Variants in MDH1B observed in about 807,000 individuals in gnomAD.
MDH1B encodes the protein malate dehydrogenase 1B, also known as putative malate dehydrogenase 1B.
Under a neutral mutation model 61.4 loss-of-function variants are expected in MDH1B, and 60 were observed. The ratio of observed to expected loss-of-function variants is 0.98; its 90% confidence interval spans 0.79 to 1.21. The LOEUF (loss-of-function observed/expected upper bound fraction) is 1.21, where lower values mean the gene tolerates loss of function less well. Ranked by LOEUF, MDH1B falls within the 50% of genes most tolerant of loss-of-function variation. The pLI, the probability that MDH1B is intolerant of heterozygous loss-of-function variation, is 0.00. For missense variants in MDH1B, 587 were observed against 632.1 expected (o/e 0.93, Z 0.76); for synonymous variants, 236 against 218.7 (o/e 1.08, Z -0.70).
At chr2:206,744,979 G>A (rs917543766) in intron 9 of MDH1B, among the ~76,000 whole-genome samples, 3 of 151,250 alleles carry the variant, frequency 2.0e-5, no homozygotes, top group Non-Finnish European at 4.4e-5. Context: ...AAGTCCTAAC[G>A]CCTGGTACCT....
In MDH1B at chr2:206,746,280, A is replaced by C; in HGVS notation, c.1356+7T>G. ...GGTCAGTCCCCTTGCATCTATTCTGACATTACCTGAATTAGATCACTTGTC... is the reference window on the plus strand; with the variant it reads ...GGTCAGTCCCCTTGCATCTATTCTGCCATTACCTGAATTAGATCACTTGTC... On this transcript the variant is annotated splice_region_variant and intron_variant, in intron 8 of 11. Transcript: ENST00000374412. 1.2e-6 allele frequency: 2 copies of C among 1,611,336 alleles called. No homozygotes were observed. The highest frequency in any genetic ancestry group is 1.7e-6 in the Non-Finnish European group (2 of 1,178,658).
At chr2:206,750,143 A>G (rs1167403761) in intron 6 of MDH1B, among the ~76,000 whole-genome samples, 1 of 151,978 alleles carries the variant, frequency 6.6e-6, no homozygotes, top group Non-Finnish European at 1.5e-5. Context: ...AGGGCAATGG[A>G]AAGAAAATCC....
At chr2:206,752,012 G>T (rs6737715) in intron 5 of MDH1B, among the ~76,000 whole-genome samples, 17,913 of 152,126 alleles carry the variant, frequency 0.12, 1,481 homozygotes, top group African/African-American at 0.24. Context: ...TTAACTAGAA[G>T]GACTACTTTT....
At chr2:206,738,814 G>A (rs1311233111) in intron 11 of MDH1B, among the ~76,000 whole-genome samples, 2 of 82,038 alleles carry the variant, frequency 2.4e-5, no homozygotes, top group Admixed American at 1.5e-4. Flanking sequence ...ATTTCTGCTC[G>A]ACTTTGCTGC....
intron 10 of MDH1B, among the ~76,000 whole-genome samples, chr2:206,740,604 T>G (rs1222028250): frequency 6.6e-6 from 1 of 152,186 alleles, no homozygotes; most frequent in Non-Finnish European, 1.5e-5. Flanking sequence ...ATAAATTATA[T>G]ATATGATGAG....
At chr2:206,757,671 G>A (rs1688841580) in intron 2 of MDH1B, among the ~76,000 whole-genome samples, 1 of 152,112 alleles carries the variant, frequency 6.6e-6, no homozygotes. Context: ...GAGGTCACAT[G>A]TTCCAACTCA....
intron 5 of MDH1B, among the ~76,000 whole-genome samples, chr2:206,754,694 A>T (rs1282297672): frequency 1.3e-5 from 2 of 152,188 alleles, no homozygotes; most frequent in East Asian, 3.8e-4. Context: ...TTTTTTTAAA[A>T]CACTGGTTAT....
rs1688060004 is a variant in MDH1B, at chr2:206,745,631, A to G, written c.1399T>C (p.Tyr467His). 6.2e-7 allele frequency: 1 copy of G among 1,610,984 alleles called. No homozygotes were observed. Among genetic ancestry groups the G allele is most frequent in the Non-Finnish European group, 8.5e-7 (1 of 1,178,108 alleles). Residue 467 changes from tyrosine to histidine, a missense_variant, in exon 9 of 12, where the codon TAC becomes CAC. Tyr to His is a moderately conservative substitution (Grantham distance 83). Transcript: ENST00000374412. Reference sequence around the variant, plus strand: ...ACGTCTAAGAGCTTACCTGATTGGTATGGCTGAAAATGTATCTTGTCTCCA... The same window carrying G: ...ACGTCTAAGAGCTTACCTGATTGGTGTGGCTGAAAATGTATCTTGTCTCCA... The part of the protein sequence containing the change: ...ALGDKIHFQP[Y>H]QSGHKDLVPD...
At position 206,746,428 on chromosome 2, in the gene MDH1B, T is replaced by G. The variant is rs1167169547; in HGVS notation, c.1217-2A>C. 6.2e-7 allele frequency: 1 copy of G among 1,608,490 alleles called. No individual in the cohort carries two copies. Among genetic ancestry groups the G allele is most frequent in the African/African-American group, 1.3e-5 (1 of 74,660 alleles). On this transcript the variant is annotated splice_acceptor_variant, in intron 7 of 11. Transcript: ENST00000374412. LOFTEE classifies it high-confidence loss of function. Reference sequence around the variant, plus strand: ...TCCCTTTCGGAATACCAAACTGGCCTGCAGTGAGCAAACACAAAGCAAAGC... The same window carrying G: ...TCCCTTTCGGAATACCAAACTGGCCGGCAGTGAGCAAACACAAAGCAAAGC...
chr2:206,739,626 A>C lies in MDH1B; in HGVS notation c.1495T>G (p.Phe499Val), dbSNP rs1183989473. Reference sequence around the variant, plus strand: ...AACTCAAGACTCTGTGGCTTTTCAAAGGTGGTTTGAGGAATCTGATTTGGA... The same window carrying C: ...AACTCAAGACTCTGTGGCTTTTCAACGGTGGTTTGAGGAATCTGATTTGGA... ...EFPNQIPQTT[F>V]EKPQSLEFLN... Residue 499 changes from phenylalanine to valine, a missense_variant, in exon 11 of 12, where the codon TTT becomes GTT. Physicochemically the swap from Phe to Val is conservative, Grantham distance 50. Transcript: ENST00000374412. 1.2e-6 allele frequency: 2 copies of C among 1,614,030 alleles called. No homozygotes were observed. Among genetic ancestry groups the C allele is most frequent in the South Asian group, 2.2e-5 (2 of 91,084 alleles).
intron 4 of MDH1B, among the ~76,000 whole-genome samples, chr2:206,755,915 CTTTT>C (rs34981283): frequency 7.1e-6 from 1 of 140,760 alleles, no homozygotes; most frequent in Non-Finnish European, 1.6e-5. Context: ...ACAATAATGA[CTTTT>C]TTTTTTTTTT....
chr2:206,746,774 C>A (rs1252267865), intron 7 of MDH1B, among the ~76,000 whole-genome samples: 1 of 152,124 alleles, frequency 6.6e-6, no homozygotes, highest in South Asian at 2.1e-4. Context: ...GTCCATCTGG[C>A]CTTCCACTCT....
At chr2:206,765,182 G>A in intron 1 of MDH1B, 68 bp downstream of exon 1, 2 of 1,569,836 alleles carry the variant, frequency 1.3e-6, no homozygotes, top group South Asian at 2.3e-5. Flanking sequence ...GCCAAGCCGA[G>A]CGGCCATGGG....
intron 4 of MDH1B, chr2:206,756,510 G>A (rs1688767934): frequency 5.7e-6 from 1 of 176,132 alleles, no homozygotes; most frequent in Non-Finnish European, 1.2e-5. Flanking sequence ...GAAAAGCAAA[G>A]GGGAGCAAGG....
Position 206,751,089 on chromosome 2 carries a change from A to G in MDH1B, c.911-14T>C. 2.0e-6 allele frequency: 3 copies of G among 1,500,880 alleles called. No individual in the cohort carries two copies. The South Asian group carries it at 4.1e-5, about 20-fold the overall frequency. 93.0% of individuals were successfully genotyped at this position (1,500,880 alleles called of 1,614,324 possible). On this transcript the variant is annotated splice_polypyrimidine_tract_variant and intron_variant, in intron 5 of 11. Coordinates refer to ENST00000374412, the MANE Select transcript of MDH1B (RefSeq NM_001039845.3). ...CGTCTTTAATGTCTGTGAAGAATAG[A>G]AAGTTTAGAAAAATAATAATAATGT...
Position 206,755,457 on chromosome 2 carries a change from G to T in MDH1B, c.462C>A (p.Gly154=). The change falls in exon 5 of 12, where the codon GGC becomes GGA. Residue 154 remains glycine, a synonymous_variant. Transcript: ENST00000374412. ...TTTCTGTATGCATCCCAAACACTTC[G>T]CCACTCGTCAATATGGGAATTAGGT... ...CYNLIPILTS[G]EVFGMHTEIS... is the part of the protein sequence containing the mutation. 6 of 1,614,050 alleles carry T rather than the reference G, an allele frequency of 3.7e-6. No homozygotes were observed. The highest frequency in any genetic ancestry group is 5.1e-6 in the Non-Finnish European group (6 of 1,179,966).
chr2:206,739,368 C>T (rs372760043), intron 11 of MDH1B, among the ~76,000 whole-genome samples: 3 of 151,780 alleles, frequency 2.0e-5, no homozygotes, highest in Non-Finnish European at 4.4e-5. Flanking sequence ...GAGCTGTAAC[C>T]GCACCACTGC....
At chr2:206,758,572 C>T (rs1039315691) in intron 2 of MDH1B, among the ~76,000 whole-genome samples, 17 of 152,022 alleles carry the variant, frequency 1.1e-4, no homozygotes, top group Admixed American at 9.8e-4. Flanking sequence ...TCGAGACAAG[C>T]CTGGTCAACA....
intron 8 of MDH1B, 56 bp downstream of exon 8, chr2:206,746,231 G>T (rs1574626862): frequency 3.4e-6 from 5 of 1,476,558 alleles, no homozygotes; most frequent in East Asian, 4.9e-5. Context: ...TGGCCTAGGA[G>T]AATCAGTTTA....
Sources: allele counts gnomAD v4.1 joint callset (sites outside exome capture counted in the v4.1 genomes callset), GRCh38; gene constraint gnomAD v4.1.1; transcripts MANE v1.5; gene names NCBI Gene and HGNC (gene_info 2026-07-23, HGNC 2026-07-21).